Variants in ARHGAP6 observed in about 807,000 individuals in gnomAD.
ARHGAP6 encodes rho GTPase-activating protein 6.
A neutral mutation model predicts 55.7 loss-of-function variants in ARHGAP6; 16 were observed. That is an observed-to-expected ratio of 0.29 (90% confidence interval 0.19 to 0.44). The LOEUF (loss-of-function observed/expected upper bound fraction) is 0.44, where lower values mean the gene tolerates loss of function less well. Ranked by LOEUF, ARHGAP6 falls within the 20% of genes least tolerant of loss-of-function variation. The probability of loss-of-function intolerance (pLI) is 1.00; values close to 1 mark genes in which losing one functional copy is unlikely to be tolerated. For synonymous variants in ARHGAP6, 382 were observed against 360.9 expected, an observed-to-expected ratio of 1.06 and a Z score of -0.66; for missense variants, 698 against 808.9, an observed-to-expected ratio of 0.86 and a Z score of 1.66.
intron 2 of ARHGAP6, among the ~76,000 whole-genome samples, chrX:11,246,437 T>C (rs2047354109): frequency 8.9e-6 from 1 of 111,845 alleles, no homozygotes; most frequent in Non-Finnish European, 1.9e-5. Flanking sequence ...TGATCGATGC[T>C]CTTTAGAGAT....
intron 1 of ARHGAP6, among the ~76,000 whole-genome samples, chrX:11,537,931 C>A (rs1339349842): frequency 9.1e-6 from 1 of 109,872 alleles, no homozygotes; most frequent in Non-Finnish European, 1.9e-5. Flanking sequence ...TAATTTTGAC[C>A]TCAAGGAACT....
chrX:11,300,840 A>C, intron 1 of ARHGAP6: 1 of 321,619 alleles, frequency 3.1e-6, no homozygotes, highest in Non-Finnish European at 5.6e-6. Context: ...TTCTTGAATC[A>C]GGTAGGAACT....
At chrX:11,197,035 A>G in intron 2 of ARHGAP6, 39 bp from the exon 3 acceptor site, 4 of 684,411 alleles carry the variant, frequency 5.8e-6, no homozygotes, top group Admixed American at 2.6e-5. Context: ...AGATAAACAT[A>G]TAAGTGATAT....
At chrX:11,249,466 C>T (rs761142158) in intron 2 of ARHGAP6, among the ~76,000 whole-genome samples, 2 of 111,357 alleles carry the variant, frequency 1.8e-5, no homozygotes, top group Non-Finnish European at 3.8e-5. Context: ...TGCCAAATTG[C>T]CTTGCACCCT....
intron 1 of ARHGAP6, among the ~76,000 whole-genome samples, chrX:11,633,317 T>C (rs765428961): frequency 1.8e-5 from 2 of 112,582 alleles, no homozygotes; most frequent in South Asian, 7.4e-4. Flanking sequence ...ACACCCTCCC[T>C]GTCCCAGTGC....
At position 11,514,049 on chromosome X, in the gene ARHGAP6, C is replaced by A. The variant is rs780530422; in HGVS notation, c.588+150192G>T. ...TGGTGACACATGCCTGTAGTCCCAG[C>A]TACTCAGGAGGCTGAGGCAGGAGAA... is the stretch of plus-strand genomic sequence containing the variant. On this transcript the variant is annotated intron_variant, in intron 1 of 12. Transcript: ENST00000337414. Among the ~76,000 whole-genome samples the A allele has an allele frequency of 1.9e-4, 20 of 105,598 alleles. 1 individual carries two copies. Among genetic ancestry groups the A allele is most frequent in the Admixed American group, 5.3e-4 (5 of 9,523 alleles). The allele number at this position is 105,598 out of a possible 115,157, so 91.7% of individuals were successfully genotyped here.
At chrX:11,258,362 C>T (rs911020549) in intron 1 of ARHGAP6, among the ~76,000 whole-genome samples, 2 of 109,214 alleles carry the variant, frequency 1.8e-5, no homozygotes, top group Non-Finnish European at 3.8e-5. Context: ...GAGTTTCTAG[C>T]TTCAGCAACT....
chrX:11,391,251 G>A (rs2049401155), intron 1 of ARHGAP6, among the ~76,000 whole-genome samples: 1 of 111,273 alleles, frequency 9.0e-6, no homozygotes, highest in African/African-American at 3.3e-5. Context: ...ACTCATAGGT[G>A]GGAATTGAAC....
At chrX:11,309,561 T>C (rs144513879) in intron 1 of ARHGAP6, among the ~76,000 whole-genome samples, 1 of 110,197 alleles carries the variant, frequency 9.1e-6, no homozygotes, top group Admixed American at 9.6e-5. Context: ...GGAAGAAAAG[T>C]GTAAAAGTTA....
At chrX:11,150,910 C>G (rs2045766768) in intron 10 of ARHGAP6, among the ~76,000 whole-genome samples, 1 of 112,332 alleles carries the variant, frequency 8.9e-6, no homozygotes. Flanking sequence ...TTTTCTTTAT[C>G]AAACATTTTT....
chrX:11,422,701 A>G (rs2049836356), intron 1 of ARHGAP6, among the ~76,000 whole-genome samples: 1 of 112,422 alleles, frequency 8.9e-6, no homozygotes, highest in South Asian at 3.7e-4. Flanking sequence ...TGTGTGGTCC[A>G]GGGTTATCAC....
chrX:11,464,062 GTTACT>G lies in ARHGAP6; in HGVS notation c.588+200174_588+200178del, dbSNP rs761427913. Among the ~76,000 whole-genome samples, 475 of 111,509 alleles carry G rather than the reference GTTACT, an allele frequency of 4.3e-3. 1 individual carries two copies. Among genetic ancestry groups the G allele is most frequent in the African/African-American group, 0.015 (457 of 30,657 alleles). Reference sequence around the variant, plus strand: ...TAACTTCCTATCTTTTTCAGCTATGGTTACTTTGAGTTTTTGGATAGATGCGGCTA... The same window carrying G: ...TAACTTCCTATCTTTTTCAGCTATGGTTGAGTTTTTGGATAGATGCGGCTA... On this transcript the variant is annotated intron_variant, in intron 1 of 12. Coordinates refer to ENST00000337414, the MANE Select transcript of ARHGAP6 (RefSeq NM_013427.3).
intron 2 of ARHGAP6, among the ~76,000 whole-genome samples, chrX:11,212,090 C>A (rs988811708): frequency 6.3e-5 from 7 of 110,986 alleles, no homozygotes; most frequent in African/African-American, 2.0e-4. Context: ...GAATGTGTCT[C>A]CTAATTTGTT....
At chrX:11,593,475 G>C (rs1391917315) in intron 1 of ARHGAP6, among the ~76,000 whole-genome samples, 3 of 111,990 alleles carry the variant, frequency 2.7e-5, no homozygotes, top group Non-Finnish European at 5.6e-5. Flanking sequence ...GATTTTTAGG[G>C]TAATGAAACT....
At chrX:11,552,599 T>TATATATATACAC (rs1491079107) in intron 1 of ARHGAP6, among the ~76,000 whole-genome samples, 1 of 48,230 alleles carries the variant, frequency 2.1e-5, no homozygotes, top group Non-Finnish European at 3.8e-5. Flanking sequence ...TATATATATA[T>TATATATATACAC]AGACACACAC....
chrX:11,548,702 G>A (rs1371113614), intron 1 of ARHGAP6, among the ~76,000 whole-genome samples: 9 of 110,942 alleles, frequency 8.1e-5, no homozygotes, highest in African/African-American at 1.6e-4. Flanking sequence ...TCTGCCTCCC[G>A]GGTTCAAGTG....
At chrX:11,660,202 C>G (rs1249987417) in intron 1 of ARHGAP6, among the ~76,000 whole-genome samples, 1 of 111,634 alleles carries the variant, frequency 9.0e-6, no homozygotes, top group Non-Finnish European at 1.9e-5. Context: ...TTGTGATGCC[C>G]AGGGGCTCCT....
chrX:11,354,295 T>C (rs10663427), intron 1 of ARHGAP6, among the ~76,000 whole-genome samples: 821 of 40,822 alleles, frequency 0.02, 10 homozygotes, highest in Middle Eastern at 0.024. Context: ...CTCTCTCTCT[T>C]TCTCTCTCTC....
chrX:11,485,470 G>A (rs2050502417), intron 1 of ARHGAP6, among the ~76,000 whole-genome samples: 1 of 112,146 alleles, frequency 8.9e-6, no homozygotes, highest in African/African-American at 3.2e-5. Flanking sequence ...CTTACATAAT[G>A]TTGGTCTCCC....
Sources: allele counts gnomAD v4.1 joint callset (sites outside exome capture counted in the v4.1 genomes callset), GRCh38; gene constraint gnomAD v4.1.1; transcripts MANE v1.5; gene names NCBI Gene and HGNC (gene_info 2026-07-23, HGNC 2026-07-21).